Variants in LRRC8B observed in about 807,000 individuals in gnomAD.
The protein encoded by LRRC8B is leucine rich repeat containing 8 VRAC subunit B, also known as volume-regulated anion channel subunit LRRC8B.
Under a neutral mutation model 58.8 loss-of-function variants are expected in LRRC8B, and 23 were observed. The ratio of observed to expected loss-of-function variants is 0.39; its 90% CI spans 0.28 to 0.55. The LOEUF (loss-of-function observed/expected upper bound fraction) is 0.55, where lower values mean the gene tolerates loss of function less well. Among genes scored for constraint, LRRC8B ranks in the 20% least tolerant of loss-of-function variants. The pLI, the probability that LRRC8B is intolerant of heterozygous loss-of-function variation, is 0.62. For synonymous variants in LRRC8B, 359 were observed against 374.1 expected, an observed-to-expected ratio of 0.96 and a Z score of 0.47; for missense variants, 694 against 936.0, an observed-to-expected ratio of 0.74 and a Z score of 3.37.
At chr1:89,575,379 G>A (rs572311116) in intron 3 of LRRC8B, among the ~76,000 whole-genome samples, 4 of 152,168 alleles carry the variant, frequency 2.6e-5, no homozygotes, top group Non-Finnish European at 4.4e-5. Context: ...GAGGACACTC[G>A]AAGAGCCACA....
At chr1:89,558,042 A>C (rs1038848956) in intron 1 of LRRC8B, among the ~76,000 whole-genome samples, 9 of 152,268 alleles carry the variant, frequency 5.9e-5, no homozygotes, top group East Asian at 1.9e-4. Flanking sequence ...CTTAAAAAAA[A>C]ATCCCTTGCC....
At chr1:89,578,510 A>C (rs1654008995) in intron 3 of LRRC8B, among the ~76,000 whole-genome samples, 1 of 152,220 alleles carries the variant, frequency 6.6e-6, no homozygotes, top group Admixed American at 6.5e-5. Context: ...TGTGCTTTCT[A>C]ACCTGCAAAA....
rs1368473855 is a variant in LRRC8B at position 89,593,310 on chromosome 1, G to A, written c.*267G>A. The A allele has an allele frequency of 1.1e-5, 4 of 354,968 alleles. No individual in the cohort carries two copies. Among genetic ancestry groups the A allele is most frequent in the African/African-American group, 6.1e-5 (3 of 48,886 alleles). 22.0% of individuals were successfully genotyped at this position (354,968 alleles called of 1,614,324 possible). A position where few individuals can be genotyped will look rare whatever the true frequency, so the allele number is the denominator to read the frequency against. On this transcript the variant is annotated 3_prime_UTR_variant, in exon 6 of 6. Coordinates refer to ENST00000330947, the MANE Select transcript of LRRC8B (RefSeq NM_001369817.2). ...GGGAATTGCTTGAACCAGGGAGGTG[G>A]AGGTTGCAGTGAGCCGAGATTGTGC...
At chr1:89,569,073 AATT>A (rs1653241642) in intron 3 of LRRC8B, among the ~76,000 whole-genome samples, 1 of 152,190 alleles carries the variant, frequency 6.6e-6, no homozygotes, top group Non-Finnish European at 1.5e-5. Context: ...ATGAATGAAG[AATT>A]TGTACACTGT....
intron 1 of LRRC8B, among the ~76,000 whole-genome samples, chr1:89,538,059 G>T (rs367819525): frequency 6.6e-6 from 1 of 152,152 alleles, no homozygotes; most frequent in East Asian, 1.9e-4. Flanking sequence ...TATGTGGCTG[G>T]TAGGGCTCCT....
rs779796658 is a variant in LRRC8B at position 89,593,300 on chromosome 1, C to T, written c.*257C>T. 1.8e-5 allele frequency: 7 copies of T among 387,178 alleles called. No homozygotes were observed. Among genetic ancestry groups the T allele is most frequent in the African/African-American group, 1.4e-4 (7 of 49,494 alleles). 24.0% of individuals were successfully genotyped at this position (387,178 alleles called of 1,614,324 possible). A position where few individuals can be genotyped will look rare whatever the true frequency, so the allele number is the denominator to read the frequency against. ...GCTGACGCAGGGGAATTGCTTGAAC[C>T]AGGGAGGTGGAGGTTGCAGTGAGCC... On this transcript the variant is annotated 3_prime_UTR_variant, in exon 6 of 6. Coordinates refer to ENST00000330947, the MANE Select transcript of LRRC8B (RefSeq NM_001369817.2).
At chr1:89,567,656 T>C (rs577214329) in intron 1 of LRRC8B, among the ~76,000 whole-genome samples, 1 of 152,270 alleles carries the variant, frequency 6.6e-6, no homozygotes, top group South Asian at 2.1e-4. Flanking sequence ...ATAAACTTTC[T>C]GAGAAATAAT....
chr1:89,563,913 C>T (rs1222219139), intron 1 of LRRC8B, among the ~76,000 whole-genome samples: 2 of 152,152 alleles, frequency 1.3e-5, no homozygotes, highest in South Asian at 4.1e-4. Flanking sequence ...TGCTTCCTTC[C>T]CTTCCAAGTC....
rs6703481 is a variant in LRRC8B, at chr1:89,562,591, C to A, written c.-240-5656C>A. Among the ~76,000 whole-genome samples the A allele has an allele frequency of 5.5e-3, 842 of 152,118 alleles. 11 individuals carry two copies. Among genetic ancestry groups the A allele is most frequent in the African/African-American group, 0.019 (798 of 41,478 alleles). On this transcript the variant is annotated intron_variant, in intron 1 of 5. Coordinates refer to ENST00000330947, the MANE Select transcript of LRRC8B (RefSeq NM_001369817.2). ...TGAACTCAAGCAGTCCTGTCTCATC[C>A]CCCTGAGTAGCTGGGAGTACAGGCA...
intron 1 of LRRC8B, among the ~76,000 whole-genome samples, chr1:89,563,064 A>G (rs890995452): frequency 6.6e-6 from 1 of 152,200 alleles, no homozygotes; most frequent in African/African-American, 2.4e-5. Context: ...GTTTTCTAGT[A>G]TATTGAGACC....
chr1:89,553,205 G>A (rs570840345), intron 1 of LRRC8B, among the ~76,000 whole-genome samples: 31 of 152,214 alleles, frequency 2.0e-4, no homozygotes, highest in East Asian at 1.2e-3. Context: ...GACTTATTTC[G>A]CACTGAAATT....
In LRRC8B at chr1:89,531,072, T is replaced by C. The variant is rs576404919; in HGVS notation, c.-241+6050T>C. Among the ~76,000 whole-genome samples, 39 of 152,354 alleles carry C rather than the reference T, an allele frequency of 2.6e-4. No homozygotes were observed. The South Asian group carries it at 7.9e-3, about 31-fold the overall frequency. On this transcript the variant is annotated intron_variant, in intron 1 of 5. Coordinates refer to ENST00000330947, the MANE Select transcript of LRRC8B (RefSeq NM_001369817.2). Reference sequence around the variant, plus strand: ...TTGCACTGAAGAATGTTTCTTGCTCTGAGTGGACAAATTTAAGATAAATTC... The same window carrying C: ...TTGCACTGAAGAATGTTTCTTGCTCCGAGTGGACAAATTTAAGATAAATTC...
At chr1:89,561,231 GTTGT>G (rs1401845417) in intron 1 of LRRC8B, among the ~76,000 whole-genome samples, 17 of 150,378 alleles carry the variant, frequency 1.1e-4, no homozygotes, top group African/African-American at 3.9e-4. Context: ...TTTTGATGGG[GTTGT>G]TTGTTTTTTT....
chr1:89,582,341 A>T (rs79133495), intron 4 of LRRC8B, among the ~76,000 whole-genome samples: 7,905 of 152,292 alleles, frequency 0.052, 223 homozygotes, highest in Middle Eastern at 0.075. Flanking sequence ...GAGTTGAGAT[A>T]CAAGAGGTAA....
chr1:89,584,703 G>C lies in LRRC8B; in HGVS notation c.2053G>C (p.Asp685His), dbSNP rs1351876869. The C allele has an allele frequency of 1.9e-6, 3 of 1,613,840 alleles. No homozygotes were observed. Among genetic ancestry groups the C allele is most frequent in the Non-Finnish European group, 2.5e-6 (3 of 1,179,984 alleles). Reference protein sequence around the residue: ...LFLCTKLHYLDLSYNHLTFIP... With the variant: ...LFLCTKLHYLHLSYNHLTFIP... ...CCTATGCACTAAACTACATTATTTGGATCTAAGCTATAACCACTTGACCTT... is the reference window on the plus strand; with the variant it reads ...CCTATGCACTAAACTACATTATTTGCATCTAAGCTATAACCACTTGACCTT... Residue 685 changes from aspartate to histidine, a missense_variant, in exon 5 of 6, where the codon GAT becomes CAT. Asp to His is a moderately conservative substitution (Grantham distance 81). Around this residue, in one of 5 missense-constraint regions of LRRC8B, gnomAD observed 139 missense variants for 158.2 expected, o/e 0.88. Transcript: ENST00000330947.
intron 5 of LRRC8B, among the ~76,000 whole-genome samples, chr1:89,586,725 G>T (rs563981917): frequency 3.9e-5 from 6 of 152,274 alleles, no homozygotes; most frequent in African/African-American, 1.2e-4. Context: ...AAATAGAATG[G>T]TATCTTTTTG....
At chr1:89,550,544 T>A (rs1199970902) in intron 1 of LRRC8B, among the ~76,000 whole-genome samples, 1 of 152,228 alleles carries the variant, frequency 6.6e-6, no homozygotes, top group Admixed American at 6.5e-5. Flanking sequence ...ACCTTAGCTA[T>A]GCCAAACCTT....
At chr1:89,560,617 A>G (rs1652568802) in intron 1 of LRRC8B, among the ~76,000 whole-genome samples, 1 of 145,498 alleles carries the variant, frequency 6.9e-6, no homozygotes, top group African/African-American at 2.6e-5. Flanking sequence ...ATTCCCACCT[A>G]TGAGTGAGAA....
intron 1 of LRRC8B, among the ~76,000 whole-genome samples, chr1:89,564,453 C>G (rs1289958384): frequency 2.6e-5 from 4 of 152,166 alleles, no homozygotes; most frequent in African/African-American, 9.7e-5. Flanking sequence ...TAGCAGATGG[C>G]TCTTAGTCAG....
Sources: gnomAD v4.1 joint callset for allele counts (sites outside exome capture counted in the v4.1 genomes callset) on GRCh38, gnomAD v4.1.1 for gene constraint, gnomAD v4.1.1 regional missense constraint, MANE v1.5 for transcripts, NCBI Gene and HGNC (gene_info 2026-07-23, HGNC 2026-07-21) for gene names.